Variants in TMEM131L observed in about 807,000 individuals in gnomAD.
TMEM131L encodes transmembrane protein 131-like.
TMEM131L carries 54 observed loss-of-function variants against 192.2 expected under a neutral mutation model. The observed-to-expected ratio is 0.28, with a 90% CI of 0.23 to 0.35. The LOEUF (loss-of-function observed/expected upper bound fraction) is 0.35, where lower values mean the gene tolerates loss of function less well. Among genes scored for constraint, TMEM131L ranks in the 10% least tolerant of loss-of-function variants. The pLI, the probability that TMEM131L is intolerant of heterozygous loss-of-function variation, is 1.00. For synonymous variants in TMEM131L, 701 were observed against 704.9 expected (o/e 0.99, Z 0.09); for missense variants, 1,888 against 1,972.9 (o/e 0.96, Z 0.82).
intron 2 of TMEM131L, among the ~76,000 whole-genome samples, chr4:153,468,962 A>G (rs1730968207): frequency 6.6e-6 from 1 of 152,216 alleles, no homozygotes; most frequent in South Asian, 2.1e-4. Flanking sequence ...GTCTAGTAGT[A>G]TATACTCTCA....
chr4:153,477,858 T>C (rs149661711), intron 3 of TMEM131L, among the ~76,000 whole-genome samples: 2 of 152,308 alleles, frequency 1.3e-5, no homozygotes, highest in East Asian at 3.9e-4. Context: ...CCATTTAAAG[T>C]GCACAGTTGG....
intron 31 of TMEM131L, among the ~76,000 whole-genome samples, chr4:153,630,034 C>T (rs1734108928): frequency 6.6e-6 from 1 of 152,220 alleles, no homozygotes; most frequent in Admixed American, 6.5e-5. Flanking sequence ...CCTTCTGAGA[C>T]TTTGCATAAC....
chr4:153,501,755 G>A (rs1195726196), intron 3 of TMEM131L, among the ~76,000 whole-genome samples: 1 of 152,044 alleles, frequency 6.6e-6, no homozygotes, highest in Non-Finnish European at 1.5e-5. Flanking sequence ...TGAGAGAGCA[G>A]AGGGCAGGCC....
In TMEM131L at chr4:153,621,680, C is replaced by G; in HGVS notation, c.3693-3C>G. On this transcript the variant is annotated splice_polypyrimidine_tract_variant and splice_region_variant and intron_variant, in intron 27 of 34. Transcript: ENST00000409959. ...TTTTTTTGTGTGTGTGTGTCTTTTC[C>G]AGGCCTCCTGAACAGAGTGATCTAA... The G allele has an allele frequency of 1.9e-6, 3 of 1,612,780 alleles. No individual in the cohort carries two copies. The highest frequency in any genetic ancestry group is 1.7e-6 in the Non-Finnish European group (2 of 1,179,580).
chr4:153,605,464 C>T (rs1732161692), intron 25 of TMEM131L, among the ~76,000 whole-genome samples: 1 of 152,236 alleles, frequency 6.6e-6, no homozygotes, highest in South Asian at 2.1e-4. Flanking sequence ...ACCTCCGGGG[C>T]TCAAGCCATT....
In TMEM131L at chr4:153,621,743, C is replaced by G; in HGVS notation, c.3753C>G (p.Ser1251Arg). ...VCSDFERSEL[S>R]SDINVRSWCI... ...GTGACTTTGAGAGGTCTGAGCTGAGCAGTGACATCAATGTAAGAAGCTGGT... is the reference window on the plus strand; with the variant it reads ...GTGACTTTGAGAGGTCTGAGCTGAGGAGTGACATCAATGTAAGAAGCTGGT... The change falls in exon 28 of 35, where the codon AGC becomes AGG. Residue 1251 changes from serine (S) to arginine (R), a missense_variant. Ser to Arg is a moderately radical substitution (Grantham distance 110). Coordinates refer to ENST00000409959, the MANE Select transcript of TMEM131L (RefSeq NM_001131007.2). 1 of 1,614,098 alleles carries G rather than the reference C, an allele frequency of 6.2e-7. No homozygotes were observed. The highest frequency in any genetic ancestry group is 8.5e-7 in the Non-Finnish European group (1 of 1,180,010).
At chr4:153,522,494 G>A (rs62324710) in intron 3 of TMEM131L, among the ~76,000 whole-genome samples, 39,786 of 151,886 alleles carry the variant, frequency 0.26, 5,279 homozygotes, top group Admixed American at 0.32. Flanking sequence ...CCTGGGACTC[G>A]GTCTGTGTGG....
intron 3 of TMEM131L, among the ~76,000 whole-genome samples, chr4:153,477,030 T>C (rs776619266): frequency 5.3e-5 from 8 of 152,148 alleles, no homozygotes; most frequent in Non-Finnish European, 8.8e-5. Context: ...GGAATGTTGA[T>C]ATCAGGGTAG....
chr4:153,472,433 A>C (rs556961245), intron 2 of TMEM131L, among the ~76,000 whole-genome samples: 1 of 152,144 alleles, frequency 6.6e-6, no homozygotes, highest in Non-Finnish European at 1.5e-5. Context: ...TCATATCCAC[A>C]TGTAGTTAAG....
At chr4:153,513,501 C>T (rs567981559) in intron 3 of TMEM131L, among the ~76,000 whole-genome samples, 20 of 152,260 alleles carry the variant, frequency 1.3e-4, no homozygotes, top group Admixed American at 6.5e-4. Flanking sequence ...TTCTTGTTTT[C>T]TTACTTACTC....
intron 6 of TMEM131L, among the ~76,000 whole-genome samples, chr4:153,557,390 G>A (rs1344617331): frequency 6.6e-6 from 1 of 152,118 alleles, no homozygotes; most frequent in African/African-American, 2.4e-5. Flanking sequence ...CAAAACTCAT[G>A]GCTCTCACCT....
intron 7 of TMEM131L, among the ~76,000 whole-genome samples, chr4:153,566,314 T>G (rs568758384): frequency 2.8e-4 from 42 of 152,128 alleles, no homozygotes; most frequent in African/African-American, 1.0e-3. Context: ...TTTTTGTATT[T>G]TTAGTAGAGA....
At chr4:153,511,176 G>A (rs1734330281) in intron 3 of TMEM131L, among the ~76,000 whole-genome samples, 1 of 152,180 alleles carries the variant, frequency 6.6e-6, no homozygotes, top group African/African-American at 2.4e-5. Context: ...AAAGACACAT[G>A]CACTTGTATG....
At chr4:153,488,084 C>T (rs1311346634) in intron 3 of TMEM131L, among the ~76,000 whole-genome samples, 1 of 147,490 alleles carries the variant, frequency 6.8e-6, no homozygotes, top group Non-Finnish European at 1.5e-5. Context: ...CCTGGTGAGC[C>T]TGTGGCTGAG....
chr4:153,502,026 A>G (rs534070315), intron 3 of TMEM131L, among the ~76,000 whole-genome samples: 1 of 143,958 alleles, frequency 6.9e-6, no homozygotes, highest in East Asian at 2.0e-4. Context: ...ATCACGGCTC[A>G]CTGCAACCTT....
chr4:153,602,124 C>A, intron 21 of TMEM131L, 28 bp from the exon 22 acceptor site: 1 of 1,326,072 alleles, frequency 7.5e-7, no homozygotes, highest in Non-Finnish European at 1.0e-6. Flanking sequence ...TTCACATATA[C>A]TAAATATCTT....
At chr4:153,615,627 A>C (rs1732923699) in intron 26 of TMEM131L, among the ~76,000 whole-genome samples, 1 of 152,194 alleles carries the variant, frequency 6.6e-6, no homozygotes, top group Non-Finnish European at 1.5e-5. Context: ...GGAATGAATG[A>C]AGTTAGGAGT....
intron 26 of TMEM131L, among the ~76,000 whole-genome samples, chr4:153,619,137 G>A (rs1733209016): frequency 6.6e-6 from 1 of 152,134 alleles, no homozygotes; most frequent in African/African-American, 2.4e-5. Context: ...ATGGATTTGA[G>A]AAAGGCAGCC....
At chr4:153,627,936 A>G (rs1733964696) in intron 31 of TMEM131L, among the ~76,000 whole-genome samples, 1 of 152,224 alleles carries the variant, frequency 6.6e-6, no homozygotes, top group Non-Finnish European at 1.5e-5. Context: ...CAGATGCCCT[A>G]TGTCCTGGAA....
Sources: allele counts gnomAD v4.1 joint callset (sites outside exome capture counted in the v4.1 genomes callset), GRCh38; gene constraint gnomAD v4.1.1; transcripts MANE v1.5; gene names NCBI Gene and HGNC (gene_info 2026-07-23, HGNC 2026-07-21).